Variants in CATSPERG observed in about 807,000 individuals in gnomAD.
CATSPERG encodes the protein cation channel sperm-associated auxiliary subunit gamma.
Under a neutral mutation model 145.0 loss-of-function variants are expected in CATSPERG, and 115 were observed. The observed-to-expected ratio is 0.79, with a 90% CI of 0.68 to 0.93. The LOEUF (loss-of-function observed/expected upper bound fraction) is 0.93, where lower values mean the gene tolerates loss of function less well. Ranked by LOEUF, CATSPERG falls within the 40% of genes least tolerant of loss-of-function variation. CATSPERG has a pLI of 0.00. For missense variants in CATSPERG, 1,296 were observed against 1,490.1 expected, an observed-to-expected ratio of 0.87 and a Z score of 2.14; for synonymous variants, 588 against 589.0, an observed-to-expected ratio of 1.00 and a Z score of 0.02.
intron 16 of CATSPERG, 51 bp downstream of exon 16, chr19:38,360,894 C>A (rs1488124564): frequency 4.9e-6 from 7 of 1,420,688 alleles, no homozygotes; most frequent in Non-Finnish European, 6.8e-6. Context: ...CGGCACTGCC[C>A]TCCTGAAGCT....
At chr19:38,362,019 A>C (rs1329815097) in intron 17 of CATSPERG, 158 bp downstream of exon 17, 2 of 905,934 alleles carry the variant, frequency 2.2e-6, no homozygotes, top group Non-Finnish European at 3.3e-6. Flanking sequence ...TGGCTTGAGC[A>C]GGACTTCCAG....
intron 22 of CATSPERG, chr19:38,366,284 G>A (rs957443302): frequency 6.6e-6 from 1 of 152,396 alleles, no homozygotes; most frequent in Non-Finnish European, 1.5e-5. Flanking sequence ...TCCCTGGCAT[G>A]CAGATCCTGG....
chr19:38,361,600 C>T, intron 16 of CATSPERG, 48 bp from the exon 17 acceptor site: 1 of 1,476,656 alleles, frequency 6.8e-7, no homozygotes, highest in Non-Finnish European at 9.3e-7. Context: ...GCTTCCAGTG[C>T]GCGGGGTGCC....
At chr19:38,353,990 C>CAAAAAAAAA (rs965226814) in intron 8 of CATSPERG, among the ~76,000 whole-genome samples, 2 of 30,588 alleles carry the variant, frequency 6.5e-5, no homozygotes, top group Non-Finnish European at 1.2e-4. Flanking sequence ...GACTCTGTCT[C>CAAAAAAAAA]AAAAAAAAAA....
In CATSPERG at chr19:38,362,820, G is replaced by GGTGCTATT; in HGVS notation, c.2464_2471dup (p.Phe824LeufsTer29). 1 of 1,613,162 alleles carries GGTGCTATT rather than the reference G, an allele frequency of 6.2e-7. No homozygotes were observed. The highest frequency in any genetic ancestry group is 8.5e-7 in the Non-Finnish European group (1 of 1,179,200). ...AGGAGGTCCTGATTAATCGCAACTCGGTGCTATTTTCGGTGAGGCCCCCCG... is the reference window on the plus strand; with the variant it reads ...AGGAGGTCCTGATTAATCGCAACTCGGTGCTATTGTGCTATTTTCGGTGAGGCCCCCCG... On this transcript the variant is annotated frameshift_variant, in exon 20 of 29. Transcript: ENST00000409235. LOFTEE classifies it high-confidence loss of function.
rs1482996095 is a variant in CATSPERG at position 38,360,809 on chromosome 19, C to T, written c.1846C>T (p.Gln616Ter). The change falls in exon 16 of 29, where the codon CAG becomes TAG. Residue 616 changes from glutamine (Q) to a stop codon, truncating the protein, a stop_gained. Coordinates refer to ENST00000409235, the MANE Select transcript of CATSPERG (RefSeq NM_021185.5). LOFTEE classifies it high-confidence loss of function. ...VPVEQLLMYQ[Q>*]HTSHYDLERK... ...CGTGGAGCAGCTTCTGATGTATCAACAGCACACCAGCCACTATGACTTGGA... is the reference window on the plus strand; with the variant it reads ...CGTGGAGCAGCTTCTGATGTATCAATAGCACACCAGCCACTATGACTTGGA... 2 of 1,607,964 alleles carry T rather than the reference C, an allele frequency of 1.2e-6. No homozygotes were observed. The highest frequency in any genetic ancestry group is 8.5e-7 in the Non-Finnish European group (1 of 1,177,798).
chr19:38,343,532 C>T (rs1969972508), intron 3 of CATSPERG, 48 bp from the exon 4 acceptor site: 6 of 1,491,646 alleles, frequency 4.0e-6, no homozygotes, highest in Non-Finnish European at 4.5e-6. Context: ...GCAGGGGGCA[C>T]CCAGAGGCTA....
chr19:38,352,951 C>T (rs1970171301), intron 8 of CATSPERG, among the ~76,000 whole-genome samples: 1 of 150,110 alleles, frequency 6.7e-6, no homozygotes, highest in African/African-American at 2.5e-5. Context: ...TCGCATGAGC[C>T]CAGGGGTTTG....
intron 26 of CATSPERG, chr19:38,369,673 G>T (rs1485587303): frequency 6.9e-6 from 3 of 437,378 alleles, no homozygotes; most frequent in African/African-American, 4.0e-5. Flanking sequence ...AAGCAGCAAA[G>T]AATGAATAAG....
intron 9 of CATSPERG, among the ~76,000 whole-genome samples, chr19:38,355,616 G>A (rs1004127921): frequency 4.0e-5 from 6 of 151,744 alleles, no homozygotes; most frequent in African/African-American, 1.5e-4. Context: ...AGAATTGCTC[G>A]AACCTGGGAA....
At chr19:38,363,489 CTTTT>C (rs1173452820) in intron 20 of CATSPERG, among the ~76,000 whole-genome samples, 2 of 128,232 alleles carry the variant, frequency 1.6e-5, no homozygotes, top group Middle Eastern at 3.9e-3. Context: ...TAGCCTATTC[CTTTT>C]TTTTTTTTTT....
intron 8 of CATSPERG, 133 bp from the exon 9 acceptor site, chr19:38,354,577 G>C (rs1291918587): frequency 9.6e-7 from 1 of 1,044,724 alleles, no homozygotes; most frequent in African/African-American, 1.6e-5. Context: ...GGTGCTCCCT[G>C]ACACCACACT....
Position 38,362,170 on chromosome 19 carries a change from C to G in CATSPERG, c.2095-40C>G, listed in dbSNP as rs745925796. ...GCCGCTTGCCTGGAGGCTCTCGCCCCGCTGCCCAATCCCTTCACGGTGCCG... is the reference window on the plus strand; with the variant it reads ...GCCGCTTGCCTGGAGGCTCTCGCCCGGCTGCCCAATCCCTTCACGGTGCCG... On this transcript the variant is annotated intron_variant, in intron 17 of 28. Transcript: ENST00000409235. 37 of 1,554,998 alleles carry G rather than the reference C, an allele frequency of 2.4e-5. No individual in the cohort carries two copies. In the South Asian group the frequency reaches 3.7e-4, roughly 16 times the overall value.
Position 38,362,551 on chromosome 19 carries a change from C to G in CATSPERG, c.2333C>G (p.Ser778Trp), listed in dbSNP as rs776771042. ...FAIFLSAQGH[S>W]FRTQSELGTA... Reference sequence around the variant, plus strand: ...ATCTTCCTGTCGGCGCAGGGCCACTCGTTCCGGACGCAGTCAGAACTCGGT... The same window carrying G: ...ATCTTCCTGTCGGCGCAGGGCCACTGGTTCCGGACGCAGTCAGAACTCGGT... Residue 778 changes from serine to tryptophan, a missense_variant, in exon 19 of 29, where the codon TCG (serine) becomes TGG (tryptophan). Transcript: ENST00000409235. 2 of 1,613,878 alleles carry G rather than the reference C, an allele frequency of 1.2e-6. No homozygotes were observed. The highest frequency in any genetic ancestry group is 2.2e-5 in the East Asian group (1 of 44,888).
Position 38,354,759 on chromosome 19 carries a change from T to G in CATSPERG, c.1047T>G (p.Pro349=). The part of the protein sequence containing the change: ...LASECIKKLC[P]VYFHSNGSEY... ...GCGAGTGCATCAAGAAGCTGTGCCC[T>G]GTGTATTTCCATAGCAATGGCTCTG... The change falls in exon 9 of 29, where the codon CCT becomes CCG. Residue 349 remains proline (P), a synonymous_variant. Coordinates refer to ENST00000409235, the MANE Select transcript of CATSPERG (RefSeq NM_021185.5). 1 of 1,614,192 alleles carries G rather than the reference T, an allele frequency of 6.2e-7. No individual in the cohort carries two copies. Among genetic ancestry groups the G allele is most frequent in the Middle Eastern group, 1.6e-4 (1 of 6,062 alleles).
rs951285037 is a variant in CATSPERG, at chr19:38,354,773, G to A, written c.1061G>A (p.Ser354Asn). 6.2e-7 allele frequency: 1 copy of A among 1,614,204 alleles called. No homozygotes were observed. Among genetic ancestry groups the A allele is most frequent in the Non-Finnish European group, 8.5e-7 (1 of 1,180,034 alleles). Reference protein sequence around the residue: ...IKKLCPVYFHSNGSEYIMALT... With the variant: ...IKKLCPVYFHNNGSEYIMALT... The stretch of plus-strand genomic sequence containing the variant: ...AAGCTGTGCCCTGTGTATTTCCATA[G>A]CAATGGCTCTGAGTACATAATGGCC... The change falls in exon 9 of 29, where the codon AGC (serine) becomes AAC (asparagine). Residue 354 changes from serine (S) to asparagine (N), a missense_variant. Ser to Asn is a conservative substitution (Grantham distance 46, BLOSUM62 1). Coordinates refer to ENST00000409235, the MANE Select transcript of CATSPERG (RefSeq NM_021185.5).
chr19:38,343,617 G>T lies in CATSPERG; in HGVS notation c.362G>T (p.Gly121Val). Residue 121 changes from glycine (G) to valine (V), a missense_variant, in exon 4 of 29, where the codon GGG becomes GTG. Gly to Val is a moderately radical substitution (Grantham distance 109). Transcript: ENST00000409235. ...EDLVRMGHLT[G>V]LKPLVLVTFQ... The stretch of plus-strand genomic sequence containing the variant: ...CTGGTGCGCATGGGCCACCTGACGG[G>T]GCTAAAGCCCCTGGTGCTGGTCACC... The T allele has an allele frequency of 6.4e-7, 1 of 1,551,426 alleles. No individual in the cohort carries two copies. Among genetic ancestry groups the T allele is most frequent in the South Asian group, 1.2e-5 (1 of 84,058 alleles).
In CATSPERG at chr19:38,362,467, C is replaced by T. The variant is rs1395460815; in HGVS notation, c.2249C>T (p.Ser750Phe). The change falls in exon 19 of 29, where the codon TCC (serine) becomes TTC (phenylalanine). Residue 750 changes from serine (S) to phenylalanine (F), a missense_variant. Physicochemically the swap from Ser to Phe is radical, Grantham distance 155. Coordinates refer to ENST00000409235, the MANE Select transcript of CATSPERG (RefSeq NM_021185.5). Reference protein sequence around the residue: ...DSYEKIYNLESAYELPERIFL... With the variant: ...DSYEKIYNLEFAYELPERIFL... Reference sequence around the variant, plus strand: ...TACGAAAAGATCTACAACCTCGAGTCCGCGTACGAGCTGCCGGAGCGCATT... The same window carrying T: ...TACGAAAAGATCTACAACCTCGAGTTCGCGTACGAGCTGCCGGAGCGCATT... 1 of 1,613,858 alleles carries T rather than the reference C, an allele frequency of 6.2e-7. No homozygotes were observed.
chr19:38,338,553 C>A (rs1436277443), intron 3 of CATSPERG, among the ~76,000 whole-genome samples: 2 of 151,974 alleles, frequency 1.3e-5, no homozygotes, highest in Non-Finnish European at 2.9e-5. Flanking sequence ...GGCAGGGTCT[C>A]ACTCTGTTAC....
Sources: gnomAD v4.1 joint callset for allele counts (sites outside exome capture counted in the v4.1 genomes callset) on GRCh38, gnomAD v4.1.1 for gene constraint, MANE v1.5 for transcripts, NCBI Gene and HGNC (gene_info 2026-07-23, HGNC 2026-07-21) for gene names.